Variants in PPP1R9A observed in about 807,000 individuals in gnomAD.
PPP1R9A encodes neurabin-1.
PPP1R9A carries 59 observed loss-of-function variants against 141.9 expected under a neutral mutation model. That is an observed-to-expected ratio of 0.42 (90% CI 0.34 to 0.52). The LOEUF (loss-of-function observed/expected upper bound fraction) is 0.52, where lower values mean the gene tolerates loss of function less well. Ranked by LOEUF, PPP1R9A falls within the 20% of genes least tolerant of loss-of-function variation. The pLI, the probability that PPP1R9A is intolerant of heterozygous loss-of-function variation, is 0.10. For missense variants in PPP1R9A, 1,444 were observed against 1,611.9 expected (o/e 0.90, Z 1.78); for synonymous variants, 500 against 569.7 (o/e 0.88, Z 1.74).
chr7:95,071,074 G>A (rs1813752004), intron 2 of PPP1R9A, among the ~76,000 whole-genome samples: 3 of 151,928 alleles, frequency 2.0e-5, no homozygotes, highest in African/African-American at 7.2e-5. Context: ...ATACACTAAA[G>A]ATTGTCACTT....
intron 2 of PPP1R9A, among the ~76,000 whole-genome samples, chr7:95,048,764 C>T (rs930516834): frequency 2.0e-5 from 3 of 152,002 alleles, no homozygotes; most frequent in South Asian, 2.1e-4. Flanking sequence ...TCAGGCTGGT[C>T]TCAAACTCCT....
chr7:95,019,861 C>T (rs929289806), intron 2 of PPP1R9A, among the ~76,000 whole-genome samples: 4 of 152,078 alleles, frequency 2.6e-5, no homozygotes, highest in African/African-American at 7.2e-5. Flanking sequence ...GTTATTTATA[C>T]AAGAGAAATG....
At chr7:95,158,227 T>G (rs144146846) in intron 4 of PPP1R9A, among the ~76,000 whole-genome samples, 1 of 152,330 alleles carries the variant, frequency 6.6e-6, no homozygotes, top group African/African-American at 2.4e-5. Context: ...ATGGACTCTA[T>G]TAAATGTTGT....
At chr7:95,074,808 G>A (rs1191795873) in intron 2 of PPP1R9A, among the ~76,000 whole-genome samples, 6 of 151,976 alleles carry the variant, frequency 3.9e-5, no homozygotes, top group Admixed American at 6.6e-5. Flanking sequence ...CATGGGTGTT[G>A]CTAAATTGTC....
At chr7:94,981,257 A>T (rs569420903) in intron 2 of PPP1R9A, among the ~76,000 whole-genome samples, 1 of 152,208 alleles carries the variant, frequency 6.6e-6, no homozygotes, top group East Asian at 1.9e-4. Flanking sequence ...TTTTTGAGAC[A>T]CAGTCTCACT....
intron 5 of PPP1R9A, among the ~76,000 whole-genome samples, chr7:95,181,015 A>G (rs1048041937): frequency 1.3e-5 from 2 of 151,812 alleles, no homozygotes; most frequent in Admixed American, 6.6e-5. Flanking sequence ...CAGCAATCCC[A>G]CTACTGGATA....
chr7:95,089,828 G>C (rs1817097401), intron 2 of PPP1R9A, among the ~76,000 whole-genome samples: 1 of 151,446 alleles, frequency 6.6e-6, no homozygotes, highest in Admixed American at 6.6e-5. Flanking sequence ...ATGTAACTCA[G>C]GGAACTAGTT....
intron 5 of PPP1R9A, among the ~76,000 whole-genome samples, chr7:95,178,799 A>G (rs1833282308): frequency 6.6e-6 from 1 of 152,142 alleles, no homozygotes; most frequent in South Asian, 2.1e-4. Flanking sequence ...AATTCTTTGT[A>G]AGATACAACC....
Position 95,102,885 on chromosome 7 carries a change from G to A in PPP1R9A, c.1396-8374G>A, listed in dbSNP as rs565753695. Reference sequence around the variant, plus strand: ...TCATTTTATGGGTCAACGTTGGTAGGCCACAGTACCCAGATATGTGGGTAA... The same window carrying A: ...TCATTTTATGGGTCAACGTTGGTAGACCACAGTACCCAGATATGTGGGTAA... On this transcript the variant is annotated intron_variant, in intron 2 of 19. Transcript: ENST00000433360. Among the ~76,000 whole-genome samples, 3 of 152,278 alleles carry A rather than the reference G, an allele frequency of 2.0e-5. No homozygotes were observed. The East Asian group carries it at 5.8e-4, about 29-fold the overall frequency.
intron 4 of PPP1R9A, among the ~76,000 whole-genome samples, chr7:95,133,784 C>A (rs1825116008): frequency 6.6e-6 from 1 of 151,958 alleles, no homozygotes; most frequent in African/African-American, 2.4e-5. Context: ...GCAACCTCCA[C>A]CTCCCGGGTT....
At chr7:95,284,384 G>A in intron 17 of PPP1R9A, 54 bp downstream of exon 17, 1 of 1,353,222 alleles carries the variant, frequency 7.4e-7, no homozygotes, top group Non-Finnish European at 9.8e-7. Flanking sequence ...GGAAAAGAAA[G>A]CCTCATTTAA....
intron 8 of PPP1R9A, among the ~76,000 whole-genome samples, chr7:95,238,448 A>G (rs761266479): frequency 6.6e-6 from 1 of 152,156 alleles, no homozygotes; most frequent in Non-Finnish European, 1.5e-5. Context: ...GGAGAAGACT[A>G]AAGATTAAAT....
At chr7:95,034,568 G>C (rs762151129) in intron 2 of PPP1R9A, among the ~76,000 whole-genome samples, 64 of 152,032 alleles carry the variant, frequency 4.2e-4, no homozygotes, top group Non-Finnish European at 1.3e-4. Context: ...GGTCCAGCTG[G>C]TCTCGAACTC....
intron 5 of PPP1R9A, among the ~76,000 whole-genome samples, chr7:95,192,390 A>T (rs1041292664): frequency 6.6e-6 from 1 of 152,004 alleles, no homozygotes; most frequent in Non-Finnish European, 1.5e-5. Context: ...CTGGATAGAT[A>T]GGAAATGGCA....
intron 5 of PPP1R9A, among the ~76,000 whole-genome samples, chr7:95,168,523 GA>G (rs58105470): frequency 0.6 from 88,833 of 148,140 alleles, 26,729 homozygotes; most frequent in African/African-American, 0.72. Context: ...CACAGGCAAT[GA>G]AAAAAAAAAA....
chr7:95,268,403 G>T, intron 12 of PPP1R9A, 147 bp from the exon 13 acceptor site: 1 of 736,156 alleles, frequency 1.4e-6, no homozygotes. Context: ...CTGATTTCTT[G>T]GTTATTTCTT....
At chr7:95,026,906 G>A (rs923017618) in intron 2 of PPP1R9A, among the ~76,000 whole-genome samples, 1 of 152,092 alleles carries the variant, frequency 6.6e-6, no homozygotes, top group African/African-American at 2.4e-5. Flanking sequence ...ACGTACTCAA[G>A]CCTCAGCAAT....
chr7:95,115,854 T>A (rs2152462608), intron 3 of PPP1R9A, among the ~76,000 whole-genome samples: 1 of 149,798 alleles, frequency 6.7e-6, no homozygotes, highest in East Asian at 2.0e-4. Flanking sequence ...GAGGTGGAGG[T>A]TGCAGTGAGC....
intron 2 of PPP1R9A, among the ~76,000 whole-genome samples, chr7:95,076,124 A>G (rs900400486): frequency 6.6e-6 from 1 of 152,042 alleles, no homozygotes; most frequent in African/African-American, 2.4e-5. Context: ...TCTAGTCTCA[A>G]ACTCCTGGGC....
Sources: gnomAD v4.1 joint callset for allele counts (sites outside exome capture counted in the v4.1 genomes callset) on GRCh38, gnomAD v4.1.1 for gene constraint, MANE v1.5 for transcripts, NCBI Gene and HGNC (gene_info 2026-07-23, HGNC 2026-07-21) for gene names.